Variants in PLEKHG4B observed in about 807,000 individuals in gnomAD.
The protein encoded by PLEKHG4B is pleckstrin homology and RhoGEF domain containing G4B, also known as pleckstrin homology domain-containing family G member 4B.
In PLEKHG4B, 111 loss-of-function variants were observed where a neutral mutation model predicts 121.3. That is an observed-to-expected ratio of 0.92 (90% CI 0.78 to 1.07). The LOEUF is 1.07. Ranked by LOEUF, PLEKHG4B falls within the 50% of genes least tolerant of loss-of-function variation. PLEKHG4B has a pLI of 0.00. For missense variants in PLEKHG4B, 1,831 were observed against 1,757.8 expected (o/e 1.04, Z -0.74); for synonymous variants, 738 against 725.0 (o/e 1.02, Z -0.29).
At chr5:128,129 G>A (rs1734675209) in intron 2 of PLEKHG4B, among the ~76,000 whole-genome samples, 1 of 152,166 alleles carries the variant, frequency 6.6e-6, no homozygotes, top group East Asian at 1.9e-4. Context: ...CCTTTAAAAG[G>A]TACTAGATTT....
At position 167,235 on chromosome 5, in the gene PLEKHG4B, G is replaced by T. The variant is rs549429764; in HGVS notation, c.3477-2105G>T. Among the ~76,000 whole-genome samples, 22 of 152,370 alleles carry T rather than the reference G, an allele frequency of 1.4e-4. No homozygotes were observed. The South Asian group carries it at 1.4e-3, about 10-fold the overall frequency. On this transcript the variant is annotated intron_variant, in intron 13 of 19. Coordinates refer to ENST00000637938, the MANE Select transcript of PLEKHG4B (RefSeq NM_052909.5). ...CTTCCCGCCAGTGCTGTGAGGGCCA[G>T]TTCCTGACCAGCCAGGAGGTGCTGT...
In PLEKHG4B at chr5:156,992, C is replaced by T. The variant is rs1735807470; in HGVS notation, c.2487+81C>T. 2 of 1,541,260 alleles carry T rather than the reference C, an allele frequency of 1.3e-6. No individual in the cohort carries two copies. The highest frequency in any genetic ancestry group is 1.8e-6 in the Non-Finnish European group (2 of 1,131,260). ...CCAAGGCAACCCTCTCACCTTCACA[C>T]TGTGTCTTTAGGGCCTTGATCTGAT... On this transcript the variant is annotated intron_variant, in intron 11 of 19. Transcript: ENST00000637938. The surrounding 1 kb of genome is among the most constrained non-coding windows in gnomAD (Gnocchi z 4.4).
At chr5:117,281 T>A (rs1449762872) in intron 2 of PLEKHG4B, among the ~76,000 whole-genome samples, 1 of 152,226 alleles carries the variant, frequency 6.6e-6, no homozygotes, top group Non-Finnish European at 1.5e-5. Flanking sequence ...CTGCTATGAA[T>A]AGATGAATAT....
chr5:144,373 T>C (rs1045095828), intron 5 of PLEKHG4B, among the ~76,000 whole-genome samples: 1 of 152,230 alleles, frequency 6.6e-6, no homozygotes, highest in African/African-American at 2.4e-5. Context: ...CAGTCTTAGC[T>C]TGGCTCTGGA....
rs6874933 is a variant in PLEKHG4B at position 188,632 on chromosome 5, C to T, written c.*6309C>T. 66,416 of 152,162 alleles carry T rather than the reference C, an allele frequency of 0.44. 16,177 individuals carry two copies. Among genetic ancestry groups the T allele is most frequent in the Non-Finnish European group, 0.56 (38,193 of 67,976 alleles). 9.4% of individuals were successfully genotyped at this position (152,162 alleles called of 1,614,324 possible). A position where few individuals can be genotyped will look rare whatever the true frequency, so the allele number is the denominator to read the frequency against. On this transcript the variant is annotated 3_prime_UTR_variant, in exon 20 of 20. Coordinates refer to ENST00000637938, the MANE Select transcript of PLEKHG4B (RefSeq NM_052909.5). ...TCCGGATCAGAGCAGCAGACAGAAC[C>T]GGCACTTTTAGGGTCCAAACCCTGT...
Position 156,153 on chromosome 5 carries a change from A to AG in PLEKHG4B, c.2297dup (p.Thr767HisfsTer32), listed in dbSNP as rs1168289319. 6.3e-6 allele frequency: 10 copies of AG among 1,592,246 alleles called. No individual in the cohort carries two copies. Among genetic ancestry groups the AG allele is most frequent in the African/African-American group, 1.4e-5 (1 of 71,914 alleles). ...CCACTGCTTGTGTCTCTCAGGCTGG[A>AG]GGGGGGCACCGTCCTGGCGCGGCTG... On this transcript the variant is annotated frameshift_variant, in exon 10 of 20. Transcript: ENST00000637938. LOFTEE classifies it high-confidence loss of function. The surrounding 1 kb of genome is among the most constrained non-coding windows in gnomAD (Gnocchi z 4.4).
intron 16 of PLEKHG4B, among the ~76,000 whole-genome samples, chr5:172,534 C>T (rs546687206): frequency 3.3e-5 from 5 of 152,274 alleles, no homozygotes; most frequent in East Asian, 3.9e-4. Flanking sequence ...CCATAAATCG[C>T]AACAAGGTTT....
intron 5 of PLEKHG4B, chr5:144,213 G>A (rs1735328037): frequency 6.6e-6 from 1 of 152,394 alleles, no homozygotes; most frequent in Non-Finnish European, 1.5e-5. Context: ...CTAAAATTTT[G>A]TAAAATGAAT....
chr5:165,873 A>G (rs163613), intron 13 of PLEKHG4B, among the ~76,000 whole-genome samples: 7 of 10,448 alleles, frequency 6.7e-4, no homozygotes, highest in East Asian at 1.6e-3. Flanking sequence ...GACGGGGCGG[A>G]GCTCACACTA....
chr5:145,347 A>AGAG (rs541064233), intron 6 of PLEKHG4B, among the ~76,000 whole-genome samples: 6 of 152,290 alleles, frequency 3.9e-5, no homozygotes, highest in African/African-American at 1.4e-4. Context: ...AGAGGCAGGA[A>AGAG]GGGGCAGCCA....
chr5:180,173 G>A (rs1309895849), intron 18 of PLEKHG4B, among the ~76,000 whole-genome samples: 1 of 152,148 alleles, frequency 6.6e-6, no homozygotes, highest in Non-Finnish European at 1.5e-5. Flanking sequence ...TTTGAGGCCC[G>A]GGCTGGTGTC....
intron 13 of PLEKHG4B, among the ~76,000 whole-genome samples, chr5:165,469 C>G (rs1218936634): frequency 8.3e-5 from 4 of 48,286 alleles, no homozygotes; most frequent in East Asian, 5.1e-4. Context: ...CACTAATGCT[C>G]TGACGGGGCG....
rs189206011 is a variant in PLEKHG4B, at chr5:143,274, G to T, written c.1687+18G>T. The T allele has an allele frequency of 6.2e-7, 1 of 1,609,424 alleles. No homozygotes were observed. Among genetic ancestry groups the T allele is most frequent in the South Asian group, 1.1e-5 (1 of 91,054 alleles). On this transcript the variant is annotated intron_variant, in intron 4 of 19. Coordinates refer to ENST00000637938, the MANE Select transcript of PLEKHG4B (RefSeq NM_052909.5). ...CCTCCCAGGTGAGAGCACATGCCAGGCTCTCCTGTCAGGGCGGATCTGACA... is the reference window on the plus strand; with the variant it reads ...CCTCCCAGGTGAGAGCACATGCCAGTCTCTCCTGTCAGGGCGGATCTGACA...
Position 156,420 on chromosome 5 carries a change from C to G in PLEKHG4B, c.2348+210C>G, listed in dbSNP as rs1446287997. Among the ~76,000 whole-genome samples the G allele has an allele frequency of 6.6e-6, 1 of 151,370 alleles. No individual in the cohort carries two copies. Among genetic ancestry groups the G allele is most frequent in the Non-Finnish European group, 1.5e-5 (1 of 67,896 alleles). ...CAAGGAGCCAGCTTCTGGGGATGCT[C>G]GGCAGGAGGTGGTCAGAGTGCATCA... On this transcript the variant is annotated intron_variant, in intron 10 of 19. Transcript: ENST00000637938. This position sits in a 1 kb window ranked among gnomAD's most constrained non-coding sequence, Gnocchi z 4.4.
At chr5:125,620 T>C (rs1734591300) in intron 2 of PLEKHG4B, among the ~76,000 whole-genome samples, 2 of 152,326 alleles carry the variant, frequency 1.3e-5, no homozygotes, top group South Asian at 4.1e-4. Flanking sequence ...TTAAATCATG[T>C]AGAAAACAAA....
chr5:174,342 G>A (rs1224279613), intron 18 of PLEKHG4B, among the ~76,000 whole-genome samples: 4 of 142,504 alleles, frequency 2.8e-5, no homozygotes, highest in African/African-American at 7.9e-5. Context: ...GGGCCGGGGT[G>A]GGGGCTGGAG....
Position 184,350 on chromosome 5 carries a change from G to A in PLEKHG4B, c.*2027G>A, listed in dbSNP as rs1213425433. ...AATCCTAAAACCAGTCAGAGGACAA[G>A]GGCATGTTCTGTTGGGAGGCACAAA... is the stretch of plus-strand genomic sequence containing the variant. On this transcript the variant is annotated 3_prime_UTR_variant, in exon 20 of 20. Transcript: ENST00000637938. 2.0e-5 allele frequency: 3 copies of A among 152,236 alleles called. No homozygotes were observed. The highest frequency in any genetic ancestry group is 4.8e-5 in the African/African-American group (2 of 41,462). The allele number at this position is 152,236 out of a possible 1,614,324, so 9.4% of individuals were successfully genotyped here.
intron 1 of PLEKHG4B, among the ~76,000 whole-genome samples, chr5:96,888 C>G (rs1160552893): frequency 2.0e-5 from 3 of 152,188 alleles, no homozygotes; most frequent in African/African-American, 7.2e-5. Flanking sequence ...ACAATTTCCA[C>G]AAGGTACTAG....
chr5:163,137 A>G lies in PLEKHG4B; in HGVS notation c.3065A>G (p.Asp1022Gly). Residue 1022 changes from aspartate to glycine, a missense_variant, in exon 13 of 20, where the codon GAC becomes GGC. Physicochemically the swap from Asp to Gly is moderately conservative, Grantham distance 94. Transcript: ENST00000637938. The stretch of plus-strand genomic sequence containing the variant: ...GGACGAGCGCTTCTGTGTGGACAGG[A>G]CGGGGAGACCCTGCGCCCAGGGCTG... ...LPGRALLCGQ[D>G]GETLRPGLCA... 3.2e-6 allele frequency: 5 copies of G among 1,557,036 alleles called. No homozygotes were observed. Among genetic ancestry groups the G allele is most frequent in the Non-Finnish European group, 4.3e-6 (5 of 1,151,852 alleles).
Sources: gnomAD v4.1 joint callset for allele counts (sites outside exome capture counted in the v4.1 genomes callset) on GRCh38, gnomAD v4.1.1 for gene constraint, Gnocchi (gnomAD v3.1) non-coding constraint, MANE v1.5 for transcripts, NCBI Gene and HGNC (gene_info 2026-07-23, HGNC 2026-07-21) for gene names.